Variants in ASTN2 observed in about 807,000 individuals in gnomAD.
ASTN2 encodes astrotactin 2.
Under a neutral mutation model 139.8 loss-of-function variants are expected in ASTN2, and 54 were observed. That is an observed-to-expected ratio of 0.39 (90% CI 0.31 to 0.48). The LOEUF is 0.48. ASTN2 is among the 20% of genes least tolerant of loss of function. The pLI, the probability that ASTN2 is intolerant of heterozygous loss-of-function variation, is 0.95. For synonymous variants in ASTN2, 756 were observed against 719.5 expected (o/e 1.05, Z -0.81); for missense variants, 1,565 against 1,725.1 (o/e 0.91, Z 1.64).
At chr9:117,230,685 T>C (rs554017747) in intron 2 of ASTN2, among the ~76,000 whole-genome samples, 6 of 152,094 alleles carry the variant, frequency 3.9e-5, no homozygotes, top group Non-Finnish European at 5.9e-5. Flanking sequence ...ACCAAAGAGA[T>C]TGAGCCAGGA....
chr9:116,913,842 T>C (rs1834376644), intron 10 of ASTN2, among the ~76,000 whole-genome samples: 1 of 151,712 alleles, frequency 6.6e-6, no homozygotes, highest in Admixed American at 6.6e-5. Flanking sequence ...TGGACCAAGT[T>C]CCTTTCTGTT....
At position 116,911,619 on chromosome 9, in the gene ASTN2, G is replaced by T. The variant is rs182774841; in HGVS notation, c.1890-47886C>A. 2.2e-4 allele frequency among the ~76,000 whole-genome samples: 34 copies of T among 152,238 alleles called. 1 individual carries two copies. Among genetic ancestry groups the T allele is most frequent in the Admixed American group, 2.2e-3 (34 of 15,280 alleles). On this transcript the variant is annotated intron_variant, in intron 10 of 22. Transcript: ENST00000313400. ...AAGTTGTTAACATTAAAAGAAAATAGGTGGTTTATGCGCGGTGGCTCACGC... is the reference window on the plus strand; with the variant it reads ...AAGTTGTTAACATTAAAAGAAAATATGTGGTTTATGCGCGGTGGCTCACGC...
chr9:116,964,248 TGTGTGTGTGCGC>T, intron 10 of ASTN2, among the ~76,000 whole-genome samples: 1 of 135,334 alleles, frequency 7.4e-6, no homozygotes, highest in African/African-American at 2.7e-5. Flanking sequence ...TGTGTGTGTG[TGTGTGTGTGCGC>T]GCGCGCGCGT....
chr9:117,026,967 G>C (rs1838106887), intron 6 of ASTN2, among the ~76,000 whole-genome samples: 1 of 152,114 alleles, frequency 6.6e-6, no homozygotes, highest in Admixed American at 6.5e-5. Flanking sequence ...ATCAGAGGCA[G>C]GTATCAAACT....
intron 3 of ASTN2, among the ~76,000 whole-genome samples, chr9:117,208,985 A>T (rs1281045000): frequency 1.3e-5 from 2 of 152,222 alleles, no homozygotes; most frequent in African/African-American, 2.4e-5. Flanking sequence ...GAAGTCTTAC[A>T]ACTGGAAGTG....
At position 117,024,467 on chromosome 9, in the gene ASTN2, G is replaced by A. The variant is rs114144731; in HGVS notation, c.1423+15352C>T. ...AATAGGGAACAGATCTAAATATACT[G>A]AGCTCCCACTCTATGTTGAATACCG... On this transcript the variant is annotated intron_variant, in intron 6 of 22. Transcript: ENST00000313400. Among the ~76,000 whole-genome samples, 952 of 151,922 alleles carry A rather than the reference G, an allele frequency of 6.3e-3. 7 individuals are homozygous for A. The highest frequency in any genetic ancestry group is 0.022 in the African/African-American group (912 of 41,436).
At chr9:116,873,557 A>C (rs1333805484) in intron 10 of ASTN2, among the ~76,000 whole-genome samples, 1 of 152,204 alleles carries the variant, frequency 6.6e-6, no homozygotes, top group Non-Finnish European at 1.5e-5. Flanking sequence ...CTGAGAATTT[A>C]TGACATGAGA....
chr9:117,327,638 GA>G (rs1311797477), intron 1 of ASTN2, among the ~76,000 whole-genome samples: 15 of 152,204 alleles, frequency 9.9e-5, no homozygotes, highest in Admixed American at 3.3e-4. Flanking sequence ...TGTGTCTGGG[GA>G]AGATTCACCT....
chr9:117,000,995 G>A (rs1281037366), intron 7 of ASTN2, among the ~76,000 whole-genome samples: 1 of 152,122 alleles, frequency 6.6e-6, no homozygotes, highest in Non-Finnish European at 1.5e-5. Flanking sequence ...CCCTGTGGGT[G>A]GCACTAATTG....
At chr9:117,317,284 C>T (rs1828173514) in intron 1 of ASTN2, among the ~76,000 whole-genome samples, 1 of 152,144 alleles carries the variant, frequency 6.6e-6, no homozygotes, top group Admixed American at 6.5e-5. Context: ...AATGCCTCTG[C>T]CTCCTTCCGT....
At chr9:116,871,142 C>T (rs1031604822) in intron 10 of ASTN2, among the ~76,000 whole-genome samples, 28 of 152,078 alleles carry the variant, frequency 1.8e-4, no homozygotes, top group Non-Finnish European at 5.9e-5. Flanking sequence ...CCTGTAGTCC[C>T]AGCTACTCAG....
chr9:117,101,764 G>T (rs1354148082), intron 4 of ASTN2, among the ~76,000 whole-genome samples: 1 of 152,178 alleles, frequency 6.6e-6, no homozygotes, highest in Non-Finnish European at 1.5e-5. Flanking sequence ...ATTCAAAAAT[G>T]CTCTGTTCTC....
At chr9:116,524,308 T>C (rs1346233258) in intron 19 of ASTN2, among the ~76,000 whole-genome samples, 2 of 152,200 alleles carry the variant, frequency 1.3e-5, no homozygotes, top group Non-Finnish European at 2.9e-5. Context: ...TGTAACTCGA[T>C]TGACTGGAAG....
intron 2 of ASTN2, among the ~76,000 whole-genome samples, chr9:117,272,009 G>C (rs940970053): frequency 6.6e-6 from 1 of 152,212 alleles, no homozygotes; most frequent in Non-Finnish European, 1.5e-5. Context: ...CCCAAGTAGG[G>C]ATGCTCTGTG....
Position 116,425,992 on chromosome 9 carries a change from C to A in ASTN2, c.3879G>T (p.Val1293=), listed in dbSNP as rs774601171. Residue 1293 remains valine, a synonymous_variant, in exon 23 of 23, where the codon GTG becomes GTT. Transcript: ENST00000313400. The part of the protein sequence containing the change: ...SAYIQSRVET[V]PYLFCRSEEV... Reference sequence around the variant, plus strand: ...CCTCGCTGCGGCAGAAAAGATAGGGCACTGTTTCCACGCGGCTCTGGATGT... The same window carrying A: ...CCTCGCTGCGGCAGAAAAGATAGGGAACTGTTTCCACGCGGCTCTGGATGT... 36 of 1,614,042 alleles carry A rather than the reference C, an allele frequency of 2.2e-5. No homozygotes were observed. Among genetic ancestry groups the A allele is most frequent in the Non-Finnish European group, 2.9e-5 (34 of 1,180,040 alleles).
chr9:116,745,576 T>C (rs1588259298), intron 13 of ASTN2, among the ~76,000 whole-genome samples: 1 of 152,176 alleles, frequency 6.6e-6, no homozygotes, highest in East Asian at 1.9e-4. Context: ...CAATGGTCAA[T>C]GCTGCAAGGA....
At chr9:116,921,199 C>T (rs2132435921) in intron 10 of ASTN2, among the ~76,000 whole-genome samples, 1 of 152,210 alleles carries the variant, frequency 6.6e-6, no homozygotes, top group East Asian at 1.9e-4. Context: ...ATCATGATGA[C>T]AGTATCAAGG....
At chr9:116,586,512 G>A (rs1412881012) in intron 19 of ASTN2, among the ~76,000 whole-genome samples, 1 of 152,124 alleles carries the variant, frequency 6.6e-6, no homozygotes, top group African/African-American at 2.4e-5. Context: ...GCAGCTGGAG[G>A]CGATTATCCT....
intron 10 of ASTN2, among the ~76,000 whole-genome samples, chr9:116,935,591 T>C (rs1245971943): frequency 2.0e-5 from 3 of 152,154 alleles, no homozygotes; most frequent in Admixed American, 2.0e-4. Flanking sequence ...AAAAAAGACT[T>C]CCAGTCACAC....
Sources: allele counts gnomAD v4.1 joint callset (sites outside exome capture counted in the v4.1 genomes callset), GRCh38; gene constraint gnomAD v4.1.1; transcripts MANE v1.5; gene names NCBI Gene and HGNC (gene_info 2026-07-23, HGNC 2026-07-21).